Variants in INIP observed in about 807,000 individuals in gnomAD.
INIP encodes the protein INTS3 and NABP interacting protein.
INIP carries 9 observed loss-of-function variants against 14.0 expected under a neutral mutation model. That is an observed-to-expected ratio of 0.64 (90% CI 0.39 to 1.12). The LOEUF (loss-of-function observed/expected upper bound fraction) is 1.12, where lower values mean the gene tolerates loss of function less well. INIP is among the 50% of genes most tolerant of loss of function. The pLI, the probability that INIP is intolerant of heterozygous loss-of-function variation, is 0.01. For synonymous variants in INIP, 37 were observed against 41.5 expected (o/e 0.89, Z 0.41); for missense variants, 78 against 122.7 (o/e 0.64, Z 1.72).
At chr9:112,716,670 G>C (rs1452651370) in intron 1 of INIP, 129 bp from the exon 2 acceptor site, 3 of 394,320 alleles carry the variant, frequency 7.6e-6, no homozygotes, top group South Asian at 2.9e-5. Context: ...ATTTGTGCCG[G>C]GCGCGGTGGC....
At position 112,689,627 on chromosome 9, in the gene INIP, G is replaced by A. The variant is rs1394917529; in HGVS notation, c.129-10C>T. On this transcript the variant is annotated splice_polypyrimidine_tract_variant and intron_variant, in intron 3 of 4. Coordinates refer to ENST00000374242, the MANE Select transcript of INIP (RefSeq NM_021218.3). ...TCTCGAGAGTGCAATGCTAAAATGG[G>A]AATCTTGGTTACTCAGCTGCTTAAG... 1.2e-6 allele frequency: 2 copies of A among 1,607,402 alleles called. No homozygotes were observed. The highest frequency in any genetic ancestry group is 4.5e-5 in the East Asian group (2 of 44,856).
At chr9:112,705,009 G>A (rs1164645588) in intron 2 of INIP, among the ~76,000 whole-genome samples, 1 of 150,922 alleles carries the variant, frequency 6.6e-6, no homozygotes, top group Non-Finnish European at 1.5e-5. Flanking sequence ...TACTCAGGAG[G>A]CTTAGGCAGG....
chr9:112,702,026 T>C (rs1838314812), intron 2 of INIP: 1 of 152,046 alleles, frequency 6.6e-6, no homozygotes, highest in African/African-American at 2.4e-5. Context: ...ACTGTGCCAC[T>C]GCACTACAGC....
intron 3 of INIP, among the ~76,000 whole-genome samples, chr9:112,691,132 G>C (rs1285003587): frequency 6.6e-6 from 1 of 152,216 alleles, no homozygotes; most frequent in African/African-American, 2.4e-5. Context: ...CTCTGAAGCA[G>C]TTATAATAAT....
chr9:112,692,023 AAAAAAAAGAAAAG>A lies in INIP; in HGVS notation c.128+2095_128+2107del, dbSNP rs529286258. ...CCTGTCTCAAAAAAAAAGAAAAAAG[AAAAAAAAGAAAAG>A]AAAGAAAGTGATCAGTGGTGTCAAA... On this transcript the variant is annotated intron_variant, in intron 3 of 4. Transcript: ENST00000374242. Among the ~76,000 whole-genome samples, 9 of 151,534 alleles carry A rather than the reference AAAAAAAAGAAAAG, an allele frequency of 5.9e-5. No individual in the cohort carries two copies. In the East Asian group the frequency reaches 1.8e-3, roughly 30 times the overall value.
intron 2 of INIP, among the ~76,000 whole-genome samples, chr9:112,696,689 G>A (rs1245431920): frequency 3.3e-5 from 5 of 152,136 alleles, no homozygotes; most frequent in East Asian, 1.9e-4. Flanking sequence ...GCTGTAAACC[G>A]GGGGCCCCCA....
chr9:112,692,054 G>C (rs1837907090), intron 3 of INIP, among the ~76,000 whole-genome samples: 1 of 152,032 alleles, frequency 6.6e-6, no homozygotes, highest in Non-Finnish European at 1.5e-5. Flanking sequence ...GTGATCAGTG[G>C]TGTCAAATAA....
In INIP at chr9:112,688,021, G is replaced by A. The variant is rs187127685; in HGVS notation, c.220-388C>T. Among the ~76,000 whole-genome samples, 622 of 152,190 alleles carry A rather than the reference G, an allele frequency of 4.1e-3. 25 individuals carry two copies. The highest frequency in any genetic ancestry group is 1.1e-3 in the Non-Finnish European group (75 of 68,010). On this transcript the variant is annotated intron_variant, in intron 4 of 4. Transcript: ENST00000374242. ...GAATGGCATGAACCTGGGAGGTGGA[G>A]CTTGCAGTGAGCAGAGCTCGCACCA...
chr9:112,715,834 T>C (rs1192825748), intron 2 of INIP, among the ~76,000 whole-genome samples: 1 of 151,930 alleles, frequency 6.6e-6, no homozygotes, highest in Non-Finnish European at 1.5e-5. Flanking sequence ...ATTTTTAAAA[T>C]TTTTAATTTT....
chr9:112,710,465 C>T (rs987384465), intron 2 of INIP, among the ~76,000 whole-genome samples: 4 of 152,190 alleles, frequency 2.6e-5, no homozygotes, highest in African/African-American at 9.7e-5. Flanking sequence ...AGACTCTGTG[C>T]TGCTTTTGGT....
chr9:112,698,303 C>CAAAAAAAAAAAA (rs755265359), intron 2 of INIP, among the ~76,000 whole-genome samples: 1 of 43,666 alleles, frequency 2.3e-5, no homozygotes, highest in African/African-American at 9.1e-5. Flanking sequence ...GACTCTGTCT[C>CAAAAAAAAAAAA]AAAAAAAAAA....
chr9:112,704,320 C>T (rs1408962479), intron 2 of INIP, among the ~76,000 whole-genome samples: 1 of 152,186 alleles, frequency 6.6e-6, no homozygotes, highest in African/African-American at 2.4e-5. Flanking sequence ...GCTCACAGTA[C>T]AGACCGGAAC....
intron 1 of INIP, among the ~76,000 whole-genome samples, 182 bp from the exon 2 acceptor site, chr9:112,716,723 G>A (rs1765330848): frequency 1.3e-5 from 2 of 152,020 alleles, no homozygotes; most frequent in African/African-American, 4.8e-5. Flanking sequence ...GAGGCGGGCG[G>A]ATCACGAGGT....
At chr9:112,711,871 C>G (rs1393866193) in intron 2 of INIP, among the ~76,000 whole-genome samples, 1 of 152,198 alleles carries the variant, frequency 6.6e-6, no homozygotes, top group Non-Finnish European at 1.5e-5. Context: ...ACAGAATCAG[C>G]AAGCTTTCAA....
Position 112,715,879 on chromosome 9 carries a change from CACAA to C in INIP, c.25+578_25+581del, listed in dbSNP as rs533646645. Among the ~76,000 whole-genome samples the C allele has an allele frequency of 3.5e-3, 533 of 151,448 alleles. 3 individuals carry two copies. Among genetic ancestry groups the C allele is most frequent in the African/African-American group, 0.012 (491 of 41,274 alleles). ...TTAAACTTCTTGTTAAAAATGAAGA[CACAA>C]ACAAACACATTAGCCTAGGCTTACA... is the stretch of plus-strand genomic sequence containing the variant. On this transcript the variant is annotated intron_variant, in intron 2 of 4. Coordinates refer to ENST00000374242, the MANE Select transcript of INIP (RefSeq NM_021218.3).
chr9:112,704,647 G>A (rs1210267835), intron 2 of INIP, among the ~76,000 whole-genome samples: 4 of 152,152 alleles, frequency 2.6e-5, no homozygotes, highest in African/African-American at 9.7e-5. Context: ...TTTTAATTAA[G>A]AATCAAATCC....
At chr9:112,699,383 T>C (rs1211557004) in intron 2 of INIP, among the ~76,000 whole-genome samples, 1 of 152,030 alleles carries the variant, frequency 6.6e-6, no homozygotes, top group Non-Finnish European at 1.5e-5. Flanking sequence ...AAACGTATAG[T>C]AGTCACCCCA....
intron 2 of INIP, among the ~76,000 whole-genome samples, chr9:112,715,361 A>G (rs1838777553): frequency 6.6e-6 from 1 of 152,242 alleles, no homozygotes; most frequent in Non-Finnish European, 1.5e-5. Context: ...AGGCTGCACT[A>G]AATTTATTCA....
chr9:112,715,647 C>T (rs889526554), intron 2 of INIP, among the ~76,000 whole-genome samples: 1 of 152,002 alleles, frequency 6.6e-6, no homozygotes, highest in Non-Finnish European at 1.5e-5. Flanking sequence ...ATGGCGTGTG[C>T]CTGTAATCCC....
Sources: gnomAD v4.1 joint callset for allele counts (sites outside exome capture counted in the v4.1 genomes callset) on GRCh38, gnomAD v4.1.1 for gene constraint, MANE v1.5 for transcripts, NCBI Gene and HGNC (gene_info 2026-07-23, HGNC 2026-07-21) for gene names.